Variants in NGB observed in about 807,000 individuals in gnomAD.
The protein encoded by NGB is nitrite reductase.
In NGB, 12 loss-of-function variants were observed where a neutral mutation model predicts 17.3. The ratio of observed to expected loss-of-function variants is 0.69; its 90% CI spans 0.45 to 1.13. NGB has a LOEUF of 1.13. Ranked by LOEUF, NGB falls within the 50% of genes most tolerant of loss-of-function variation. NGB has a pLI of 0.00. For synonymous variants in NGB, 87 were observed against 81.0 expected, an observed-to-expected ratio of 1.07 and a Z score of -0.40; for missense variants, 195 against 191.7, an observed-to-expected ratio of 1.02 and a Z score of -0.10.
At chr14:77,269,714 CT>C (rs1169521197) in intron 1 of NGB, among the ~76,000 whole-genome samples, 2 of 1,966 alleles carry the variant, frequency 1.0e-3, no homozygotes, top group East Asian at 0.011. Context: ...CTCTCTCTCT[CT>C]CTCTCTCTCT....
intron 1 of NGB, 124 bp from the exon 2 acceptor site, chr14:77,269,450 G>T (rs10133981): frequency 0.062 from 39,122 of 627,442 alleles, 2,962 homozygotes; most frequent in African/African-American, 0.29. Context: ...AACCACAGCT[G>T]ACTCTCCCAC....
At position 77,268,450 on chromosome 14, in the gene NGB, G is replaced by C. The variant is rs1889702818; in HGVS notation, c.321+16C>G. The C allele has an allele frequency of 6.2e-7, 1 of 1,608,996 alleles. No individual in the cohort carries two copies. The highest frequency in any genetic ancestry group is 1.7e-5 in the Admixed American group (1 of 59,894). On this transcript the variant is annotated intron_variant, in intron 3 of 3. Coordinates refer to ENST00000298352, the MANE Select transcript of NGB (RefSeq NM_021257.4). ...AGGCCAGGAGCTCTGGAGAGAGTCA[G>C]AGCTCCTTTACCCACCGAGAAGGAG... is the stretch of plus-strand genomic sequence containing the variant.
At position 77,269,340 on chromosome 14, in the gene NGB, G is replaced by A; in HGVS notation, c.90-14C>T. The A allele has an allele frequency of 3.9e-6, 6 of 1,524,806 alleles. No homozygotes were observed. Among genetic ancestry groups the A allele is most frequent in the African/African-American group, 1.4e-5 (1 of 72,608 alleles). The allele number at this position is 1,524,806 out of a possible 1,614,324, so 94.5% of individuals were successfully genotyped here. A position where few individuals can be genotyped will look rare whatever the true frequency, so the allele number is the denominator to read the frequency against. ...AGGGCAAACAGCCTGTGGGAGTGAGGCCCAGGTGTTAGCCCTGGGGTGTGA... is the reference window on the plus strand; with the variant it reads ...AGGGCAAACAGCCTGTGGGAGTGAGACCCAGGTGTTAGCCCTGGGGTGTGA... On this transcript the variant is annotated splice_polypyrimidine_tract_variant and intron_variant, in intron 1 of 3. Coordinates refer to ENST00000298352, the MANE Select transcript of NGB (RefSeq NM_021257.4).
Position 77,270,868 on chromosome 14 carries a change from C to G in NGB, c.70G>C (p.Gly24Arg), listed in dbSNP as rs746907994. ...RAVSRSPLEH[G>R]TVLFARLFAL... ...CCTCACCTGGCAAACAGGACGGTGCCGTGCTCCAGCGGGCTGCGGCTCACT... is the reference window on the plus strand; with the variant it reads ...CCTCACCTGGCAAACAGGACGGTGCGGTGCTCCAGCGGGCTGCGGCTCACT... The change falls in exon 1 of 4, where the codon GGC becomes CGC. Residue 24 changes from glycine to arginine, a missense_variant. Gly to Arg is a moderately radical substitution (Grantham distance 125, BLOSUM62 -2). Coordinates refer to ENST00000298352, the MANE Select transcript of NGB (RefSeq NM_021257.4). 2.5e-6 allele frequency: 4 copies of G among 1,585,740 alleles called. No individual in the cohort carries two copies. Among genetic ancestry groups the G allele is most frequent in the Non-Finnish European group, 3.4e-6 (4 of 1,172,440 alleles).
intron 2 of NGB, among the ~76,000 whole-genome samples, 176 bp downstream of exon 2, chr14:77,269,039 G>C: frequency 6.6e-6 from 1 of 152,344 alleles, no homozygotes; most frequent in Middle Eastern, 3.4e-3. Flanking sequence ...TAGGGGAAGA[G>C]GCTGATTCTG....
chr14:77,269,610 C>G (rs1231427934), intron 1 of NGB, among the ~76,000 whole-genome samples: 4 of 150,736 alleles, frequency 2.7e-5, no homozygotes, highest in Non-Finnish European at 5.9e-5. Context: ...TGATTTGGGA[C>G]AGGAAGAGGT....
At chr14:77,269,357 G>C (rs1388947587) in intron 1 of NGB, 31 bp from the exon 2 acceptor site, 1 of 1,460,712 alleles carries the variant, frequency 6.8e-7, no homozygotes, top group Non-Finnish European at 9.4e-7. Flanking sequence ...TGTTAGCCCT[G>C]GGGTGTGAGC....
At chr14:77,268,618 G>GGCCAGAGCA in intron 2 of NGB, 33 bp from the exon 3 acceptor site, 1 of 1,613,074 alleles carries the variant, frequency 6.2e-7, no homozygotes, top group Middle Eastern at 1.7e-4. Flanking sequence ...GAAACAGAGA[G>GGCCAGAGCA]GCCAGAGCAG....
rs1396058008 is a variant in NGB at position 77,271,004 on chromosome 14, C to G, written c.-67G>C. 1.7e-6 allele frequency: 2 copies of G among 1,211,708 alleles called. No individual in the cohort carries two copies. Among genetic ancestry groups the G allele is most frequent in the Non-Finnish European group, 2.2e-6 (2 of 893,608 alleles). The allele number at this position is 1,211,708 out of a possible 1,614,324, so 75.1% of individuals were successfully genotyped here. On this transcript the variant is annotated 5_prime_UTR_variant, in exon 1 of 4. Coordinates refer to ENST00000298352, the MANE Select transcript of NGB (RefSeq NM_021257.4). ...GCTCGGGTGCCGTCACCGCACGTGC[C>G]GCGCCATCTCCTCCGCGACGCGGTC... is the stretch of plus-strand genomic sequence containing the variant.
At position 77,270,252 on chromosome 14, in the gene NGB, C is replaced by A. The variant is rs191090992; in HGVS notation, c.89+597G>T. 3.4e-4 allele frequency among the ~76,000 whole-genome samples: 52 copies of A among 152,194 alleles called. 1 individual carries two copies. In the East Asian group the frequency reaches 7.0e-3, roughly 20 times the overall value. On this transcript the variant is annotated intron_variant, in intron 1 of 3. Coordinates refer to ENST00000298352, the MANE Select transcript of NGB (RefSeq NM_021257.4). ...TTGGAGACTGGCCTTCCCTTCCCAC[C>A]CGGCCTGCACACCCCCCACCCCTCT...
At chr14:77,268,057 C>T (rs1889697804) in intron 3 of NGB, among the ~76,000 whole-genome samples, 1 of 152,216 alleles carries the variant, frequency 6.6e-6, no homozygotes, top group African/African-American at 2.4e-5. Flanking sequence ...CTTGGACATT[C>T]TAGCCTCAGT....
Position 77,266,480 on chromosome 14 carries a change from G to C in NGB, c.*56C>G. 6.3e-7 allele frequency: 1 copy of C among 1,585,454 alleles called. No homozygotes were observed. ...AGCTTGGGGAGCCTGGGCTACAACA[G>C]ATACAGGCCAACAGACAGACACAGA... On this transcript the variant is annotated 3_prime_UTR_variant, in exon 4 of 4. Transcript: ENST00000298352.
rs1217899239 is a variant in NGB, at chr14:77,266,495, A to G, written c.*41T>C. The G allele has an allele frequency of 1.3e-6, 2 of 1,596,342 alleles. No individual in the cohort carries two copies. Among genetic ancestry groups the G allele is most frequent in the African/African-American group, 2.7e-5 (2 of 74,682 alleles). ...GGCTACAACAGATACAGGCCAACAG[A>G]CAGACACAGATGGATGGGGGCTGCC... On this transcript the variant is annotated 3_prime_UTR_variant, in exon 4 of 4. Transcript: ENST00000298352.
intron 1 of NGB, 121 bp from the exon 2 acceptor site, chr14:77,269,447 G>A (rs1428249398): frequency 1.3e-5 from 8 of 633,700 alleles, no homozygotes; most frequent in Admixed American, 9.7e-5. Context: ...GCAAACCACA[G>A]CTGACTCTCC....
At chr14:77,267,665 A>G (rs1252193582) in intron 3 of NGB, among the ~76,000 whole-genome samples, 1 of 152,234 alleles carries the variant, frequency 6.6e-6, no homozygotes, top group Non-Finnish European at 1.5e-5. Flanking sequence ...TAGCCCTGGT[A>G]GATCAGGCAC....
At chr14:77,268,674 C>G in intron 2 of NGB, 89 bp from the exon 3 acceptor site, 1 of 1,547,284 alleles carries the variant, frequency 6.5e-7, no homozygotes, top group Non-Finnish European at 8.8e-7. Context: ...GGTCCCAAAG[C>G]AAGAGAGGCC....
chr14:77,266,160 C>T lies in NGB; in HGVS notation c.*376G>A. On this transcript the variant is annotated 3_prime_UTR_variant, in exon 4 of 4. Transcript: ENST00000298352. ...TCAGCCATCTCACCCCCGCCTTGGC[C>T]TGCACTCACCTGAAGAAGCAGGACA... 1 of 542,326 alleles carries T rather than the reference C, an allele frequency of 1.8e-6. No individual in the cohort carries two copies. The highest frequency in any genetic ancestry group is 1.4e-5 in the South Asian group (1 of 71,458). The allele number at this position is 542,326 out of a possible 1,614,324, so 33.6% of individuals were successfully genotyped here. A position where few individuals can be genotyped will look rare whatever the true frequency, so the allele number is the denominator to read the frequency against.
chr14:77,269,411 C>CG, intron 1 of NGB, 85 bp from the exon 2 acceptor site: 1 of 897,486 alleles, frequency 1.1e-6, no homozygotes, highest in Non-Finnish European at 1.7e-6. Flanking sequence ...AGTCAGCGGG[C>CG]GGGGGTGCCA....
At chr14:77,270,750 C>G in intron 1 of NGB, 99 bp downstream of exon 1, 1 of 1,110,616 alleles carries the variant, frequency 9.0e-7, no homozygotes, top group Non-Finnish European at 1.3e-6. Context: ...GCCCCGGCAG[C>G]GGCCAGTTTT....
Sources: allele counts gnomAD v4.1 joint callset (sites outside exome capture counted in the v4.1 genomes callset), GRCh38; gene constraint gnomAD v4.1.1; transcripts MANE v1.5; gene names NCBI Gene and HGNC (gene_info 2026-07-23, HGNC 2026-07-21).